NUP210: variants seen among roughly 807,000 people sequenced by gnomAD.
NUP210 encodes the protein nuclear pore membrane glycoprotein 210.
A neutral mutation model predicts 196.0 loss-of-function variants in NUP210; 151 were observed. The observed-to-expected ratio is 0.77, with a 90% CI of 0.67 to 0.88. The LOEUF is 0.88. Ranked by LOEUF, NUP210 falls within the 40% of genes least tolerant of loss-of-function variation. The pLI is 0.00. For missense variants in NUP210, 2,314 were observed against 2,493.7 expected, an observed-to-expected ratio of 0.93 and a Z score of 1.53; for synonymous variants, 1,070 against 1,052.7, an observed-to-expected ratio of 1.02 and a Z score of -0.32.
rs1698949207 is a variant in NUP210, at chr3:13,377,390, T to G, written c.1152+66A>C. The G allele has an allele frequency of 5.9e-6, 7 of 1,185,596 alleles. No individual in the cohort carries two copies. The South Asian group carries it at 8.8e-5, about 15-fold the overall frequency. 73.4% of individuals were successfully genotyped at this position (1,185,596 alleles called of 1,614,324 possible). On this transcript the variant is annotated intron_variant, in intron 9 of 39. Transcript: ENST00000254508. ...GCTCCTGTTGCTTTGGGGGCTGCTC[T>G]TCAGCAGCCGCGTCAGACAACGACC...
chr3:13,398,311 C>T (rs556067232), intron 2 of NUP210, among the ~76,000 whole-genome samples: 1 of 152,222 alleles, frequency 6.6e-6, no homozygotes, highest in South Asian at 2.1e-4. Context: ...GGCATGGTGG[C>T]ACATGCCTAC....
rs1481305825 is a variant in NUP210, at chr3:13,379,606, A to C, written c.933T>G (p.Thr311=). The C allele has an allele frequency of 6.2e-7, 1 of 1,614,162 alleles. No individual in the cohort carries two copies. The highest frequency in any genetic ancestry group is 2.2e-5 in the East Asian group (1 of 44,892). Residue 311 remains threonine, a synonymous_variant, in exon 7 of 40, where the codon ACT becomes ACG. Coordinates refer to ENST00000254508, the MANE Select transcript of NUP210 (RefSeq NM_024923.4). This position sits in a 1 kb window ranked among gnomAD's most constrained non-coding sequence, Gnocchi z 4.2. ...AVLAQDTSMV[T]ALQLGQSSLV... is the part of the protein sequence containing the mutation. The stretch of plus-strand genomic sequence containing the variant: ...GGCTGCTCTGTCCCAGCTGCAGTGC[A>C]GTGACCATCGACGTGTCCTGGGCCA...
chr3:13,402,373 CCA>C, intron 1 of NUP210, among the ~76,000 whole-genome samples: 1 of 152,176 alleles, frequency 6.6e-6, no homozygotes, highest in East Asian at 1.9e-4. Flanking sequence ...CCTGTAAATC[CCA>C]CACCCTCTCC....
intron 1 of NUP210, among the ~76,000 whole-genome samples, chr3:13,418,078 T>TC (rs1700405013): frequency 6.6e-6 from 1 of 152,140 alleles, no homozygotes; most frequent in Non-Finnish European, 1.5e-5. Context: ...ACAGACAGCT[T>TC]CAACAAGAGA....
intron 14 of NUP210, among the ~76,000 whole-genome samples, chr3:13,363,586 A>G (rs950676726): frequency 5.9e-5 from 9 of 152,254 alleles, no homozygotes; most frequent in Non-Finnish European, 1.0e-4. Flanking sequence ...CAGGCTCCTC[A>G]GCGGATGTCA....
In NUP210 at chr3:13,323,187, C is replaced by T. The variant is rs1696607819; in HGVS notation, c.4768+122G>A. On this transcript the variant is annotated intron_variant, in intron 34 of 39. Coordinates refer to ENST00000254508, the MANE Select transcript of NUP210 (RefSeq NM_024923.4). This position sits in a 1 kb window ranked among gnomAD's most constrained non-coding sequence, Gnocchi z 4.3. ...GGAGTGGATGAGTGGGGGCTAAATG[C>T]CCTCTCTGGAGTTGGTGTGAGTGTG... The T allele has an allele frequency of 8.0e-7, 1 of 1,243,998 alleles. No individual in the cohort carries two copies. Among genetic ancestry groups the T allele is most frequent in the Middle Eastern group, 2.0e-4 (1 of 4,994 alleles). The allele number at this position is 1,243,998 out of a possible 1,614,324, so 77.1% of individuals were successfully genotyped here. A position where few individuals can be genotyped will look rare whatever the true frequency, so the allele number is the denominator to read the frequency against.
In NUP210 at chr3:13,319,091, G is replaced by C. The variant is rs200642632; in HGVS notation, c.5544C>G (p.Ser1848Arg). 1.9e-6 allele frequency: 3 copies of C among 1,606,288 alleles called. No individual in the cohort carries two copies. In the East Asian group the frequency reaches 6.7e-5, roughly 36 times the overall value. The change falls in exon 39 of 40, where the codon AGC (serine) becomes AGG (arginine). Residue 1848 changes from serine (S) to arginine (R), a missense_variant. By Grantham distance (110) the Ser-to-Arg change is moderately radical. Transcript: ENST00000254508. ...AVPAALTPRA[S>R]PGHSPHYFAA... is the part of the protein sequence containing the mutation. Reference sequence around the variant, plus strand: ...ACTCACAGTGGGGGCTGTGTCCAGGGCTGGCTCGAGGCGTGAGGGCTGCAG... The same window carrying C: ...ACTCACAGTGGGGGCTGTGTCCAGGCCTGGCTCGAGGCGTGAGGGCTGCAG...
chr3:13,401,259 C>CAAAAAAAA lies in NUP210; in HGVS notation c.168-1406_168-1399dup, dbSNP rs71066952. On this transcript the variant is annotated intron_variant, in intron 1 of 39. Coordinates refer to ENST00000254508, the MANE Select transcript of NUP210 (RefSeq NM_024923.4). ...TGGGCAACAGAGTGAGACTCTGGCTCAAAAAAAAAAAAAAAAAAAAAGGCA... is the reference window on the plus strand; with the variant it reads ...TGGGCAACAGAGTGAGACTCTGGCTCAAAAAAAAAAAAAAAAAAAAAAAAAAAAAGGCA... Among the ~76,000 whole-genome samples, 119 of 43,788 alleles carry CAAAAAAAA rather than the reference C, an allele frequency of 2.7e-3. 13 individuals carry two copies. The highest frequency in any genetic ancestry group is 4.0e-3 in the African/African-American group (41 of 10,218). 28.7% of individuals were successfully genotyped at this position (43,788 alleles called of 152,430 possible).
rs1697821908 is a variant in NUP210, at chr3:13,348,110, G to A, written c.2835+3769C>T. Among the ~76,000 whole-genome samples, 3 of 152,328 alleles carry A rather than the reference G, an allele frequency of 2.0e-5. No homozygotes were observed. The highest frequency in any genetic ancestry group is 4.1e-4 in the South Asian group (2 of 4,830). On this transcript the variant is annotated intron_variant, in intron 20 of 39. Transcript: ENST00000254508. The surrounding 1 kb of genome is among the most constrained non-coding windows in gnomAD (Gnocchi z 4.0). ...TCCACAATTCAGAAAGAGAGTGCCA[G>A]AGCTCCCCTGTGGCCACCTGTAAAA... is the stretch of plus-strand genomic sequence containing the variant.
Position 13,343,321 on chromosome 3 carries a change from A to AG in NUP210, c.2836-19dup. On this transcript the variant is annotated intron_variant, in intron 20 of 39. Coordinates refer to ENST00000254508, the MANE Select transcript of NUP210 (RefSeq NM_024923.4). ...GGGTGCACCTGCAAGGTTGGGGCGGAGGTGGAGGGGTGGGTGGTGGGTTAC... is the reference window on the plus strand; with the variant it reads ...GGGTGCACCTGCAAGGTTGGGGCGGAGGGTGGAGGGGTGGGTGGTGGGTTAC... The AG allele has an allele frequency of 1.4e-5, 3 of 209,506 alleles. No homozygotes were observed. Among genetic ancestry groups the AG allele is most frequent in the South Asian group, 3.8e-5 (1 of 26,262 alleles). The allele number at this position is 209,506 out of a possible 1,614,324, so 13.0% of individuals were successfully genotyped here.
chr3:13,352,087 C>G lies in NUP210; in HGVS notation c.2726G>C (p.Gly909Ala), dbSNP rs200905152. 6.2e-7 allele frequency: 1 copy of G among 1,613,670 alleles called. No homozygotes were observed. Among genetic ancestry groups the G allele is most frequent in the Admixed American group, 1.7e-5 (1 of 60,016 alleles). The change falls in exon 19 of 40, where the codon GGC becomes GCC. Residue 909 changes from glycine (G) to alanine (A), a missense_variant. Coordinates refer to ENST00000254508, the MANE Select transcript of NUP210 (RefSeq NM_024923.4). ...GCAGGGCAAGGACTGTACCTGGATG[C>G]CAGGGTGGTTGTAGATGGTCACCTC... is the stretch of plus-strand genomic sequence containing the variant. ...PEEVTIYNHPGIQAELRIREG... is the reference protein window; with the variant it reads ...PEEVTIYNHPAIQAELRIREG...
In NUP210 at chr3:13,367,856, G is replaced by A. The variant is rs143792717; in HGVS notation, c.1787-1765C>T. Among the ~76,000 whole-genome samples the A allele has an allele frequency of 5.8e-3, 881 of 152,262 alleles. 6 individuals carry two copies. The highest frequency in any genetic ancestry group is 0.016 in the South Asian group (78 of 4,818). On this transcript the variant is annotated intron_variant, in intron 13 of 39. Coordinates refer to ENST00000254508, the MANE Select transcript of NUP210 (RefSeq NM_024923.4). ...CTTCCAGTTTGGGGCTGTGCTACACGGTATTGCTGTAAACATCTGGGTGCC... is the reference window on the plus strand; with the variant it reads ...CTTCCAGTTTGGGGCTGTGCTACACAGTATTGCTGTAAACATCTGGGTGCC...
At chr3:13,361,810 T>G (rs976342935) in intron 14 of NUP210, among the ~76,000 whole-genome samples, 1 of 152,212 alleles carries the variant, frequency 6.6e-6, no homozygotes, top group Admixed American at 6.5e-5. Flanking sequence ...GTCCTGGGAC[T>G]TGGGCTCTCT....
intron 1 of NUP210, among the ~76,000 whole-genome samples, chr3:13,407,246 T>C (rs898065011): frequency 8.5e-5 from 13 of 152,220 alleles, no homozygotes; most frequent in African/African-American, 2.9e-4. Flanking sequence ...ACAAGAACTT[T>C]GCTTTTTAAA....
At chr3:13,344,434 C>T (rs766984131) in intron 20 of NUP210, among the ~76,000 whole-genome samples, 15 of 152,154 alleles carry the variant, frequency 9.9e-5, no homozygotes, top group Non-Finnish European at 2.1e-4. Context: ...TTGTTGCTTG[C>T]TCTTTGTGGT....
rs1222142807 is a variant in NUP210, at chr3:13,391,232, G to A, written c.512C>T (p.Ser171Leu). Residue 171 changes from serine to leucine, a missense_variant, in exon 4 of 40, where the codon TCA (serine) becomes TTA (leucine). Coordinates refer to ENST00000254508, the MANE Select transcript of NUP210 (RefSeq NM_024923.4). ...TTACCGCAGCGCATTGTGGGAGTCT[G>A]AGAACCTGTCCGCCTCGGAGTCCTT... ...IVKDSEADRF[S>L]DSHNALRILT... The A allele has an allele frequency of 2.5e-6, 4 of 1,612,668 alleles. No individual in the cohort carries two copies. The highest frequency in any genetic ancestry group is 2.2e-5 in the East Asian group (1 of 44,802).
chr3:13,342,243 G>C, intron 21 of NUP210, 120 bp from the exon 22 acceptor site: 1 of 1,269,612 alleles, frequency 7.9e-7, no homozygotes, highest in East Asian at 2.4e-5. Context: ...TGGGAATCAG[G>C]AGAGTCACCC....
intron 32 of NUP210, among the ~76,000 whole-genome samples, chr3:13,326,332 C>T (rs1479476578): frequency 8.4e-6 from 1 of 119,426 alleles, no homozygotes; most frequent in African/African-American, 3.3e-5. Flanking sequence ...CTCCCCATCC[C>T]TTCGTTGCCT....
chr3:13,319,064 C>T lies in NUP210; in HGVS notation c.5563+8G>A. On this transcript the variant is annotated splice_region_variant and intron_variant, in intron 39 of 39. Transcript: ENST00000254508. ...CTGCCTGGTTGTGCCTGCAGGGGGG[C>T]TACTCACAGTGGGGGCTGTGTCCAG... 6.3e-7 allele frequency: 1 copy of T among 1,596,862 alleles called. No individual in the cohort carries two copies. The highest frequency in any genetic ancestry group is 8.5e-7 in the Non-Finnish European group (1 of 1,173,480).
Sources: gnomAD v4.1 joint callset for allele counts (sites outside exome capture counted in the v4.1 genomes callset) on GRCh38, gnomAD v4.1.1 for gene constraint, Gnocchi (gnomAD v3.1) non-coding constraint, MANE v1.5 for transcripts, NCBI Gene and HGNC (gene_info 2026-07-23, HGNC 2026-07-21) for gene names.